MEGF8: variants seen among roughly 807,000 people sequenced by gnomAD.
MEGF8 encodes multiple EGF like domains 8.
A neutral mutation model predicts 302.9 loss-of-function variants in MEGF8; 156 were observed. The ratio of observed to expected loss-of-function variants is 0.52; its 90% CI spans 0.45 to 0.59. The LOEUF (loss-of-function observed/expected upper bound fraction) is 0.59. MEGF8 is among the 20% of genes least tolerant of loss of function. The pLI is 0.00. For synonymous variants in MEGF8, 1,621 were observed against 1,660.5 expected (o/e 0.98, Z 0.58); for missense variants, 3,345 against 3,964.5 (o/e 0.84, Z 4.20).
chr19:42,327,838 T>G (rs992692637), intron 1 of MEGF8, among the ~76,000 whole-genome samples: 1 of 152,240 alleles, frequency 6.6e-6, no homozygotes, highest in Non-Finnish European at 1.5e-5. Context: ...CTCATGCCTG[T>G]AATCCCAGCA....
At chr19:42,332,438 G>T (rs1344590480) in intron 1 of MEGF8, among the ~76,000 whole-genome samples, 1 of 152,018 alleles carries the variant, frequency 6.6e-6, no homozygotes, top group Non-Finnish European at 1.5e-5. Context: ...CACAATCTCG[G>T]CTCACTGCAA....
At position 42,358,230 on chromosome 19, in the gene MEGF8, GC is replaced by G. The variant is rs2039480592; in HGVS notation, c.5102del (p.Pro1701HisfsTer29). 1 of 1,601,572 alleles carries G rather than the reference GC, an allele frequency of 6.2e-7. No homozygotes were observed. The highest frequency in any genetic ancestry group is 1.3e-5 in the African/African-American group (1 of 74,380). Reference protein sequence around the residue: ...GGFRFHVELAAPSPELYSLHC... With the variant: ...GGFRFHVELAXPSPELYSLHC... ...GTTCCGATTCCATGTGGAGCTGGCG[GC>G]CCCATCCCCCGAGCTCTACTCCCTG... On this transcript the variant is annotated frameshift_variant, in exon 29 of 42. Coordinates refer to ENST00000251268, the MANE Select transcript of MEGF8 (RefSeq NM_001271938.2). LOFTEE classifies it high-confidence loss of function. The surrounding 1 kb of genome is among the most constrained non-coding windows in gnomAD (Gnocchi z 4.4).
chr19:42,327,972 G>C (rs1037240677), intron 1 of MEGF8, among the ~76,000 whole-genome samples: 4 of 152,222 alleles, frequency 2.6e-5, no homozygotes, highest in Admixed American at 2.0e-4. Flanking sequence ...GCGCGCGCCT[G>C]TAGTCCCAGC....
At chr19:42,343,441 G>C (rs1425109207) in intron 8 of MEGF8, 36 bp from the exon 9 acceptor site, 5 of 1,557,724 alleles carry the variant, frequency 3.2e-6, no homozygotes, top group Non-Finnish European at 4.4e-6. Context: ...AGGGGCTGGG[G>C]GTCTAATAAT....
At position 42,353,016 on chromosome 19, in the gene MEGF8, C is replaced by A. The variant is rs2039398941; in HGVS notation, c.3439C>A (p.Pro1147Thr). The change falls in exon 20 of 42, where the codon CCT becomes ACT. Residue 1147 changes from proline (P) to threonine (T), a missense_variant. By Grantham distance (38) the Pro-to-Thr change is conservative (BLOSUM62 -1). Transcript: ENST00000251268. This position sits in a 1 kb window ranked among gnomAD's most constrained non-coding sequence, Gnocchi z 6.1. Reference sequence around the variant, plus strand: ...CCTAGGCTGGACATCAGACCTGCCCCCTCCCACACCCGCCCCGGGTCCGCC... The same window carrying A: ...CCTAGGCTGGACATCAGACCTGCCCACTCCCACACCCGCCCCGGGTCCGCC... ...CDLGWTSDLPPPTPAPGPPAP... is the reference protein window; with the variant it reads ...CDLGWTSDLPTPTPAPGPPAP... 8 of 1,563,900 alleles carry A rather than the reference C, an allele frequency of 5.1e-6. No individual in the cohort carries two copies. The highest frequency in any genetic ancestry group is 3.8e-5 in the Admixed American group (2 of 52,730).
intron 32 of MEGF8, 78 bp from the exon 33 acceptor site, chr19:42,362,012 G>T: frequency 6.4e-7 from 1 of 1,561,666 alleles, no homozygotes; most frequent in Non-Finnish European, 8.7e-7. Flanking sequence ...CAGGGTTGGG[G>T]GCCTGCAGGA....
At chr19:42,331,199 G>T (rs2039049755) in intron 1 of MEGF8, among the ~76,000 whole-genome samples, 1 of 152,210 alleles carries the variant, frequency 6.6e-6, no homozygotes, top group South Asian at 2.1e-4. Context: ...TGGGTGGGGG[G>T]AATTATCCCC....
At chr19:42,365,811 C>T (rs2039596957) in intron 35 of MEGF8, among the ~76,000 whole-genome samples, 1 of 142,960 alleles carries the variant, frequency 7.0e-6, no homozygotes, top group Non-Finnish European at 1.5e-5. Flanking sequence ...AGGCCAGGTG[C>T]AGTGGCTCAC....
chr19:42,365,387 C>T (rs903284202), intron 35 of MEGF8, among the ~76,000 whole-genome samples: 2 of 151,912 alleles, frequency 1.3e-5, no homozygotes. Flanking sequence ...AGCCTGTCCC[C>T]AGGGGCCAGA....
At position 42,333,617 on chromosome 19, in the gene MEGF8, A is replaced by T; in HGVS notation, c.200A>T (p.Gln67Leu). The change falls in exon 2 of 42, where the codon CAG (glutamine) becomes CTG (leucine). Residue 67 changes from glutamine to leucine, a missense_variant. Transcript: ENST00000251268. ...GCTCACCTCCCAGCCCCAAGCCCCC[A>T]GCACCGGATCCTGCTGGACTTCCTT... is the stretch of plus-strand genomic sequence containing the variant. ...CEWLIEAPSP[Q>L]HRILLDFLFL... is the part of the protein sequence containing the mutation. 1 of 1,613,840 alleles carries T rather than the reference A, an allele frequency of 6.2e-7. No homozygotes were observed. The highest frequency in any genetic ancestry group is 1.1e-5 in the South Asian group (1 of 91,082).
In MEGF8 at chr19:42,369,466, G is replaced by T; in HGVS notation, c.6642-65G>T. On this transcript the variant is annotated intron_variant, in intron 37 of 41. Coordinates refer to ENST00000251268, the MANE Select transcript of MEGF8 (RefSeq NM_001271938.2). This position sits in a 1 kb window ranked among gnomAD's most constrained non-coding sequence, Gnocchi z 5.7. ...GAGAAGAGGGTGGGGTAGTTGGTTG[G>T]GTGCTAGGCCATGAAGCCACGAGGA... 2 of 1,518,256 alleles carry T rather than the reference G, an allele frequency of 1.3e-6. No homozygotes were observed. The highest frequency in any genetic ancestry group is 1.8e-6 in the Non-Finnish European group (2 of 1,123,538). The allele number at this position is 1,518,256 out of a possible 1,614,324, so 94.0% of individuals were successfully genotyped here. A position where few individuals can be genotyped will look rare whatever the true frequency, so the allele number is the denominator to read the frequency against.
Position 42,358,672 on chromosome 19 carries a change from G to A in MEGF8, c.5176-115G>A. ...GAGGGCAGGGAGCCCTGTCTGCACT[G>A]GTTAGAGAGGCTGGTGGTTTCAGTC... On this transcript the variant is annotated intron_variant, in intron 29 of 41. Coordinates refer to ENST00000251268, the MANE Select transcript of MEGF8 (RefSeq NM_001271938.2). This position sits in a 1 kb window ranked among gnomAD's most constrained non-coding sequence, Gnocchi z 4.4. The A allele has an allele frequency of 7.8e-7, 1 of 1,278,852 alleles. No homozygotes were observed. The highest frequency in any genetic ancestry group is 2.6e-5 in the East Asian group (1 of 38,792). The allele number at this position is 1,278,852 out of a possible 1,614,324, so 79.2% of individuals were successfully genotyped here.
Position 42,360,932 on chromosome 19 carries a change from A to T in MEGF8, c.5646A>T (p.Ser1882=). ...LPPDPCRLLS[S]PEACNQSGAC... ...CTGACCCCTGCCGCCTGCTGTCCTCACCTGAAGCTTGTAACCAGTCTGGGG... is the reference window on the plus strand; with the variant it reads ...CTGACCCCTGCCGCCTGCTGTCCTCTCCTGAAGCTTGTAACCAGTCTGGGG... The change falls in exon 32 of 42, where the codon TCA becomes TCT. Residue 1882 remains serine (S), a synonymous_variant. Transcript: ENST00000251268. 1 of 1,609,078 alleles carries T rather than the reference A, an allele frequency of 6.2e-7. No homozygotes were observed. The highest frequency in any genetic ancestry group is 2.2e-5 in the East Asian group (1 of 44,756).
intron 5 of MEGF8, 141 bp downstream of exon 5, chr19:42,335,526 C>T: frequency 1.4e-6 from 1 of 716,360 alleles, no homozygotes; most frequent in Non-Finnish European, 2.3e-6. Flanking sequence ...CTGTTTCTGC[C>T]TTTTCTCTCC....
Position 42,363,187 on chromosome 19 carries a change from C to G in MEGF8, c.6198C>G (p.Asn2066Lys), listed in dbSNP as rs1600066917. 7 of 1,612,212 alleles carry G rather than the reference C, an allele frequency of 4.3e-6. No individual in the cohort carries two copies. Among genetic ancestry groups the G allele is most frequent in the African/African-American group, 1.3e-5 (1 of 74,984 alleles). The change falls in exon 35 of 42, where the codon AAC becomes AAG. Residue 2066 changes from asparagine (N) to lysine (K), a missense_variant. Asn to Lys is a moderately conservative substitution (Grantham distance 94, BLOSUM62 0). Coordinates refer to ENST00000251268, the MANE Select transcript of MEGF8 (RefSeq NM_001271938.2). ...PCPTPCHLLP[N>K]CTSCLDSKGA... ...CCACCCCTTGTCACCTCCTACCCAACTGTACCTCCTGCCTGGACTCTAAGG... is the reference window on the plus strand; with the variant it reads ...CCACCCCTTGTCACCTCCTACCCAAGTGTACCTCCTGCCTGGACTCTAAGG...
chr19:42,370,843 CGGGGGGGGGGGGGGGGGGGGGGG>C lies in MEGF8; in HGVS notation c.7136+19_7136+41del. 1 of 132,168 alleles carries C rather than the reference CGGGGGGGGGGGGGGGGGGGGGGG, an allele frequency of 7.6e-6. No individual in the cohort carries two copies. Among genetic ancestry groups the C allele is most frequent in the Non-Finnish European group, 1.4e-5 (1 of 70,280 alleles). The allele number at this position is 132,168 out of a possible 1,614,324, so 8.2% of individuals were successfully genotyped here. A position where few individuals can be genotyped will look rare whatever the true frequency, so the allele number is the denominator to read the frequency against. On this transcript the variant is annotated intron_variant, in intron 40 of 41. Coordinates refer to ENST00000251268, the MANE Select transcript of MEGF8 (RefSeq NM_001271938.2). ...GGGAAGTGCACCAAGTAAGAGGAAC[CGGGGGGGGGGGGGGGGGGGGGGG>C]GGGGGGAGGCCGGGGATCCCACCCT...
intron 41 of MEGF8, among the ~76,000 whole-genome samples, chr19:42,373,891 T>C (rs1030152740): frequency 6.6e-6 from 1 of 151,716 alleles, no homozygotes; most frequent in Non-Finnish European, 1.5e-5. Context: ...TTTAAAAAAA[T>C]TTTAAAGACG....
rs1187695723 is a variant in MEGF8, at chr19:42,344,355, C to T, written c.1789-86C>T. ...TCTTCAGTTTTTTCGCCCTTTCCAT[C>T]GCAGGACCCTGTATCCACAGCCCTT... On this transcript the variant is annotated intron_variant, in intron 10 of 41. Transcript: ENST00000251268. The surrounding 1 kb of genome is among the most constrained non-coding windows in gnomAD (Gnocchi z 4.5). The T allele has an allele frequency of 8.2e-6, 12 of 1,470,216 alleles. No homozygotes were observed. Among genetic ancestry groups the T allele is most frequent in the Middle Eastern group, 2.6e-4 (1 of 3,892 alleles). The allele number at this position is 1,470,216 out of a possible 1,614,324, so 91.1% of individuals were successfully genotyped here.
chr19:42,355,804 C>A lies in MEGF8; in HGVS notation c.4191C>A (p.Gly1397=). 6.3e-7 allele frequency: 1 copy of A among 1,578,262 alleles called. No individual in the cohort carries two copies. The highest frequency in any genetic ancestry group is 2.3e-5 in the East Asian group (1 of 43,212). Residue 1397 remains glycine (G), a synonymous_variant, in exon 24 of 42, where the codon GGC becomes GGA. Transcript: ENST00000251268. ...AGGCCAATGGCTCCTCATCCTGGGG[C>A]TTCAATGCTTCGGTGGGCTCTGCCC... ...HWEANGSSSW[G]FNASVGSARC...
Sources: gnomAD v4.1 joint callset for allele counts (sites outside exome capture counted in the v4.1 genomes callset) on GRCh38, gnomAD v4.1.1 for gene constraint, Gnocchi (gnomAD v3.1) non-coding constraint, MANE v1.5 for transcripts, NCBI Gene and HGNC (gene_info 2026-07-23, HGNC 2026-07-21) for gene names.